The following RAP1GDS1 variants were observed in gnomAD, a reference collection of about 807,000 sequenced individuals.
The protein encoded by RAP1GDS1 is RAP1, GTP-GDP dissociation stimulator 1.
RAP1GDS1 carries 35 observed loss-of-function variants against 71.1 expected under a neutral mutation model. That is an observed-to-expected ratio of 0.49 (90% CI 0.38 to 0.65). The LOEUF (loss-of-function observed/expected upper bound fraction) is 0.65, where lower values mean the gene tolerates loss of function less well. Among genes scored for constraint, RAP1GDS1 ranks in the 30% least tolerant of loss-of-function variants. The probability of loss-of-function intolerance (pLI) is 0.00; values close to 1 mark genes in which losing one functional copy is unlikely to be tolerated. For missense variants in RAP1GDS1, 663 were observed against 706.1 expected (o/e 0.94, Z 0.69); for synonymous variants, 229 against 243.1 (o/e 0.94, Z 0.54).
chr4:98,312,664 G>A (rs1301585288), intron 2 of RAP1GDS1, among the ~76,000 whole-genome samples: 2 of 152,144 alleles, frequency 1.3e-5, no homozygotes, highest in East Asian at 3.9e-4. Flanking sequence ...CAGAGATATA[G>A]AACCAATGGA....
At chr4:98,350,491 G>A (rs564342851) in intron 3 of RAP1GDS1, among the ~76,000 whole-genome samples, 61 of 152,116 alleles carry the variant, frequency 4.0e-4, no homozygotes, top group Non-Finnish European at 7.1e-4. Flanking sequence ...AGGATCACTT[G>A]AGCCTAGAAG....
chr4:98,337,675 A>G (rs1388992126), intron 2 of RAP1GDS1, among the ~76,000 whole-genome samples: 1 of 152,222 alleles, frequency 6.6e-6, no homozygotes, highest in Non-Finnish European at 1.5e-5. Context: ...AATAGCTTTC[A>G]GTCAGGTACC....
intron 8 of RAP1GDS1, 59 bp downstream of exon 8, chr4:98,416,947 T>A: frequency 1.3e-6 from 2 of 1,552,754 alleles, no homozygotes; most frequent in Non-Finnish European, 1.8e-6. Flanking sequence ...TAAAATTTAT[T>A]GTCTCTTCTG....
chr4:98,281,781 C>A (rs1256544231), intron 1 of RAP1GDS1, among the ~76,000 whole-genome samples: 2 of 152,158 alleles, frequency 1.3e-5, no homozygotes, highest in African/African-American at 4.8e-5. Flanking sequence ...GAGATACTTT[C>A]CATCAATACC....
chr4:98,358,011 T>C (rs1738196253), intron 4 of RAP1GDS1, among the ~76,000 whole-genome samples: 1 of 152,052 alleles, frequency 6.6e-6, no homozygotes, highest in Non-Finnish European at 1.5e-5. Context: ...AAGATAAATC[T>C]GGTGGGAAGC....
At chr4:98,356,948 T>C (rs181923239) in intron 4 of RAP1GDS1, among the ~76,000 whole-genome samples, 1 of 152,058 alleles carries the variant, frequency 6.6e-6, no homozygotes, top group Admixed American at 6.5e-5. Flanking sequence ...ATATAAAGTC[T>C]TTATTTTTAT....
chr4:98,330,489 C>T (rs1338043224), intron 2 of RAP1GDS1, among the ~76,000 whole-genome samples: 1 of 149,612 alleles, frequency 6.7e-6, no homozygotes, highest in Admixed American at 6.6e-5. Context: ...GGCAGAGGCG[C>T]TCCTCACCTC....
chr4:98,366,315 G>A (rs115532833), intron 4 of RAP1GDS1, among the ~76,000 whole-genome samples: 3,480 of 152,228 alleles, frequency 0.023, 59 homozygotes, highest in Non-Finnish European at 0.033. Context: ...GACATGACTT[G>A]CTTCTCCTTG....
chr4:98,337,137 C>T (rs906610303), intron 2 of RAP1GDS1, among the ~76,000 whole-genome samples: 9 of 152,120 alleles, frequency 5.9e-5, no homozygotes, highest in Non-Finnish European at 2.9e-5. Context: ...TCAACTGATC[C>T]GCCCACCTTG....
intron 4 of RAP1GDS1, among the ~76,000 whole-genome samples, chr4:98,357,866 C>T (rs939128937): frequency 6.6e-6 from 1 of 151,870 alleles, no homozygotes; most frequent in African/African-American, 2.4e-5. Flanking sequence ...TTAATTTCCT[C>T]CTTGGTAAAG....
At chr4:98,375,022 T>G (rs1466061632) in intron 4 of RAP1GDS1, among the ~76,000 whole-genome samples, 3 of 152,170 alleles carry the variant, frequency 2.0e-5, no homozygotes, top group African/African-American at 7.2e-5. Flanking sequence ...GTGTGTTAGT[T>G]TCCTAGGGCT....
At chr4:98,299,607 G>T (rs1040110491) in intron 2 of RAP1GDS1, among the ~76,000 whole-genome samples, 1 of 151,386 alleles carries the variant, frequency 6.6e-6, no homozygotes, top group African/African-American at 2.4e-5. Flanking sequence ...TTATAGATGA[G>T]AAAAGAAAGT....
intron 3 of RAP1GDS1, among the ~76,000 whole-genome samples, chr4:98,347,775 G>A (rs1029257539): frequency 2.6e-5 from 4 of 151,912 alleles, no homozygotes; most frequent in East Asian, 1.9e-4. Context: ...TAAGTTCATC[G>A]CCATTGTTCT....
At position 98,378,428 on chromosome 4, in the gene RAP1GDS1, T is replaced by A. The variant is rs115032606; in HGVS notation, c.362-589T>A. Among the ~76,000 whole-genome samples the A allele has an allele frequency of 6.9e-3, 1,056 of 151,974 alleles. 18 individuals are homozygous for A. Among genetic ancestry groups the A allele is most frequent in the African/African-American group, 0.024 (1,017 of 41,530 alleles). ...AAATCAAGAATGAAAAAAGGGAACATGCTTCTGGACTATAGGAAATGCCAT... is the reference window on the plus strand; with the variant it reads ...AAATCAAGAATGAAAAAAGGGAACAAGCTTCTGGACTATAGGAAATGCCAT... On this transcript the variant is annotated intron_variant, in intron 4 of 14. Coordinates refer to ENST00000408927, the MANE Select transcript of RAP1GDS1 (RefSeq NM_001100427.2).
At chr4:98,348,565 C>T (rs957596112) in intron 3 of RAP1GDS1, among the ~76,000 whole-genome samples, 4 of 152,212 alleles carry the variant, frequency 2.6e-5, no homozygotes, top group Middle Eastern at 3.4e-3. Flanking sequence ...ATGGTTGAAC[C>T]AGTTTACAGT....
intron 2 of RAP1GDS1, among the ~76,000 whole-genome samples, chr4:98,310,766 A>C (rs1014271122): frequency 1.3e-5 from 2 of 152,200 alleles, no homozygotes; most frequent in Non-Finnish European, 2.9e-5. Context: ...CTTGAACGGC[A>C]AAGTTGAAAT....
rs190740957 is a variant in RAP1GDS1 at position 98,363,189 on chromosome 4, T to G, written c.361+10588T>G. On this transcript the variant is annotated intron_variant, in intron 4 of 14. Coordinates refer to ENST00000408927, the MANE Select transcript of RAP1GDS1 (RefSeq NM_001100427.2). ...AAGAGAAGAGGAAGAATATTCCTTA[T>G]AGAAGTAGAGTAATTGAGCTAAGTG... 3.3e-5 allele frequency among the ~76,000 whole-genome samples: 5 copies of G among 152,112 alleles called. No homozygotes were observed. The East Asian group carries it at 9.7e-4, about 29-fold the overall frequency.
intron 1 of RAP1GDS1, among the ~76,000 whole-genome samples, chr4:98,291,364 C>G (rs1267208229): frequency 6.6e-6 from 1 of 152,166 alleles, no homozygotes; most frequent in African/African-American, 2.4e-5. Flanking sequence ...TCTATCTCTA[C>G]TTACTGCCTC....
chr4:98,373,405 C>G (rs1291797503), intron 4 of RAP1GDS1, among the ~76,000 whole-genome samples: 1 of 151,362 alleles, frequency 6.6e-6, no homozygotes, highest in African/African-American at 2.4e-5. Flanking sequence ...CTCCCTCTCT[C>G]TCCCTCCCTC....
Sources: gnomAD v4.1 joint callset for allele counts (sites outside exome capture counted in the v4.1 genomes callset) on GRCh38, gnomAD v4.1.1 for gene constraint, MANE v1.5 for transcripts, NCBI Gene and HGNC (gene_info 2026-07-23, HGNC 2026-07-21) for gene names.